IL13RA1: variants seen among roughly 807,000 people sequenced by gnomAD.
The protein encoded by IL13RA1 is interleukin 13 receptor subunit alpha 1.
IL13RA1 carries 14 observed loss-of-function variants against 33.8 expected under a neutral mutation model. The ratio of observed to expected loss-of-function variants is 0.41; its 90% CI spans 0.27 to 0.65. The LOEUF is 0.65. Among genes scored for constraint, IL13RA1 ranks in the 30% least tolerant of loss-of-function variants. The pLI, the probability that IL13RA1 is intolerant of heterozygous loss-of-function variation, is 0.28. For missense variants in IL13RA1, 313 were observed against 327.0 expected (o/e 0.96, Z 0.33); for synonymous variants, 116 against 115.7 (o/e 1.00, Z -0.02).
At position 118,770,533 on chromosome X, in the gene IL13RA1, G is replaced by A. The variant is rs751513148; in HGVS notation, c.1010-3346G>A. ...CAACGGCTTCATCAACCAGGACTTC[G>A]TGGTGTGGATGCGCATGGCAGCGCT... is the stretch of plus-strand genomic sequence containing the variant. On this transcript the variant is annotated intron_variant, in intron 8 of 10. Coordinates refer to ENST00000371666, the MANE Select transcript of IL13RA1 (RefSeq NM_001560.3). 6.6e-5 allele frequency: 35 copies of A among 533,591 alleles called. No homozygotes were observed. The South Asian group carries it at 7.5e-4, about 11-fold the overall frequency. 44.0% of individuals were successfully genotyped at this position (533,591 alleles called of 1,213,427 possible). A position where few individuals can be genotyped will look rare whatever the true frequency, so the allele number is the denominator to read the frequency against.
rs2018011926 is a variant in IL13RA1, at chrX:118,794,506, AAAAT to A, written c.*2658_*2661del. ...TAACTTCTTATAGGAAAGCTTGAGTAAAATAAATATTGTCTTTTTGTATGTCACC... is the reference window on the plus strand; with the variant it reads ...TAACTTCTTATAGGAAAGCTTGAGTAAAATATTGTCTTTTTGTATGTCACC... On this transcript the variant is annotated 3_prime_UTR_variant, in exon 11 of 11. Coordinates refer to ENST00000371666, the MANE Select transcript of IL13RA1 (RefSeq NM_001560.3). 2 of 112,676 alleles carry A rather than the reference AAAAT, an allele frequency of 1.8e-5. No individual in the cohort carries two copies. Among genetic ancestry groups the A allele is most frequent in the African/African-American group, 3.2e-5 (1 of 30,887 alleles). The allele number at this position is 112,676 out of a possible 1,213,427, so 9.3% of individuals were successfully genotyped here. A position where few individuals can be genotyped will look rare whatever the true frequency, so the allele number is the denominator to read the frequency against.
chrX:118,774,101 G>C, intron 9 of IL13RA1, 126 bp downstream of exon 9: 1 of 429,084 alleles, frequency 2.3e-6, no homozygotes, highest in Non-Finnish European at 4.0e-6. Flanking sequence ...AGTGGCTTTC[G>C]GGAGTATGAC....
intron 1 of IL13RA1, among the ~76,000 whole-genome samples, chrX:118,733,897 G>C (rs192074092): frequency 2.7e-5 from 3 of 111,667 alleles, no homozygotes; most frequent in African/African-American, 6.5e-5. Context: ...AGTGGTCTTG[G>C]CACTGTTGTC....
intron 9 of IL13RA1, 101 bp from the exon 10 acceptor site, chrX:118,776,326 A>T: frequency 2.3e-6 from 1 of 438,161 alleles, no homozygotes; most frequent in Non-Finnish European, 4.1e-6. Flanking sequence ...TGACTTGTGT[A>T]CCATGTCTTT....
intron 10 of IL13RA1, among the ~76,000 whole-genome samples, chrX:118,779,733 T>C (rs1288311964): frequency 8.9e-6 from 1 of 111,735 alleles, no homozygotes; most frequent in African/African-American, 3.3e-5. Context: ...TGAACTTAGG[T>C]GGTAGCAGAG....
At chrX:118,748,361 G>GA (rs34048610) in intron 3 of IL13RA1, among the ~76,000 whole-genome samples, 4,723 of 50,784 alleles carry the variant, frequency 0.093, 455 homozygotes, top group African/African-American at 0.28. Flanking sequence ...AGGAGTTAAC[G>GA]AAAAAAAAAA....
chrX:118,745,224 A>G (rs114628280), intron 2 of IL13RA1, among the ~76,000 whole-genome samples: 3,421 of 111,954 alleles, frequency 0.031, 124 homozygotes, highest in African/African-American at 0.1. Flanking sequence ...GGCAGAGCCT[A>G]TATGGGAAGC....
intron 6 of IL13RA1, 76 bp downstream of exon 6, chrX:118,761,365 A>G: frequency 2.1e-6 from 1 of 479,995 alleles, no homozygotes; most frequent in Admixed American, 3.9e-5. Context: ...ATATCAATGA[A>G]ACATAGCTCT....
intron 10 of IL13RA1, among the ~76,000 whole-genome samples, chrX:118,780,390 T>C (rs1002364307): frequency 4.4e-5 from 5 of 112,822 alleles, no homozygotes; most frequent in Non-Finnish European, 9.4e-5. Context: ...GATGGGGACA[T>C]GAGGAGCCAC....
chrX:118,785,536 T>A (rs2017906805), intron 10 of IL13RA1, among the ~76,000 whole-genome samples: 1 of 112,116 alleles, frequency 8.9e-6, no homozygotes, highest in Non-Finnish European at 1.9e-5. Context: ...TCTAGCTTAG[T>A]CTTCAATTTT....
At chrX:118,795,323 A>G (rs1304994314), downstream of IL13RA1, among the ~76,000 whole-genome samples, 1 of 111,374 alleles carries the variant, frequency 9.0e-6, no homozygotes, top group African/African-American at 3.3e-5. Flanking sequence ...AAATGGTTTT[A>G]ATGTCATGGA....
intron 9 of IL13RA1, among the ~76,000 whole-genome samples, chrX:118,774,714 G>A (rs1344044157): frequency 1.8e-5 from 2 of 111,968 alleles, no homozygotes; most frequent in Non-Finnish European, 3.8e-5. Context: ...ACTTCATCAA[G>A]TTGTCATGAA....
chrX:118,770,212 C>T (rs758225051), intron 8 of IL13RA1: 1 of 296,374 alleles, frequency 3.4e-6, no homozygotes, highest in Admixed American at 3.5e-5. Flanking sequence ...CACGCTGCAC[C>T]ATCCAGTCAA....
chrX:118,740,738 G>A (rs1470835452), intron 1 of IL13RA1, among the ~76,000 whole-genome samples: 1 of 112,198 alleles, frequency 8.9e-6, no homozygotes, highest in Non-Finnish European at 1.9e-5. Flanking sequence ...AGCTGAGATC[G>A]TGCCACTGCA....
chrX:118,740,097 G>A (rs1304276102), intron 1 of IL13RA1, among the ~76,000 whole-genome samples: 2 of 111,994 alleles, frequency 1.8e-5, no homozygotes, highest in African/African-American at 6.5e-5. Context: ...CCCAGTACCT[G>A]GGACTATAGG....
intron 4 of IL13RA1, among the ~76,000 whole-genome samples, chrX:118,753,467 G>T (rs148242171): frequency 8.9e-6 from 1 of 112,398 alleles, no homozygotes; most frequent in African/African-American, 3.2e-5. Flanking sequence ...ACTGGAGGTC[G>T]CTCAAGATGC....
intron 2 of IL13RA1, among the ~76,000 whole-genome samples, chrX:118,745,744 G>C (rs892804833): frequency 1.8e-5 from 2 of 111,837 alleles, no homozygotes; most frequent in African/African-American, 6.5e-5. Context: ...TCTGACTTGA[G>C]TCAGAAGCTA....
intron 1 of IL13RA1, among the ~76,000 whole-genome samples, chrX:118,735,523 A>T (rs966958153): frequency 8.9e-6 from 1 of 111,767 alleles, no homozygotes; most frequent in Admixed American, 9.5e-5. Context: ...CTTTCATCAA[A>T]TTTGGGAAGT....
chrX:118,751,900 CAA>C (rs34902050), intron 4 of IL13RA1, among the ~76,000 whole-genome samples: 21 of 48,945 alleles, frequency 4.3e-4, no homozygotes, highest in African/African-American at 4.6e-4. Flanking sequence ...GAATAGAATG[CAA>C]AAAAAAAAAA....
Sources: gnomAD v4.1 joint callset for allele counts (sites outside exome capture counted in the v4.1 genomes callset) on GRCh38, gnomAD v4.1.1 for gene constraint, MANE v1.5 for transcripts, NCBI Gene and HGNC (gene_info 2026-07-23, HGNC 2026-07-21) for gene names.